The following PECR variants were observed in gnomAD, a reference collection of about 807,000 sequenced individuals.
The protein encoded by PECR is 2,4-dienoyl-CoA reductase-related protein.
In PECR, 30 loss-of-function variants were observed where a neutral mutation model predicts 35.3. That is an observed-to-expected ratio of 0.85 (90% CI 0.64 to 1.15). The LOEUF (loss-of-function observed/expected upper bound fraction) is 1.15, where lower values mean the gene tolerates loss of function less well. PECR is among the 50% of genes most tolerant of loss of function. The pLI is 0.00. For missense variants in PECR, 392 were observed against 370.8 expected (o/e 1.06, Z -0.47); for synonymous variants, 148 against 138.9 (o/e 1.07, Z -0.46).
At chr2:216,042,798 C>T (rs1448308939) in intron 7 of PECR, among the ~76,000 whole-genome samples, 1 of 151,690 alleles carries the variant, frequency 6.6e-6, no homozygotes, top group African/African-American at 2.4e-5. Context: ...GGTTTATCTC[C>T]CAAGCTGGAG....
At chr2:216,066,863 CTA>C (rs1424779605) in intron 1 of PECR, among the ~76,000 whole-genome samples, 2 of 152,146 alleles carry the variant, frequency 1.3e-5, no homozygotes, top group East Asian at 1.9e-4. Flanking sequence ...ATGCGTGTTC[CTA>C]TGTCTTAAAA....
Position 216,052,254 on chromosome 2 carries a change from C to G in PECR, c.507-709G>C, listed in dbSNP as rs1695130062. On this transcript the variant is annotated intron_variant, in intron 4 of 7. Transcript: ENST00000265322. ...GCTTAGAATTTCTAATGACAAGATCCTCAAAACCAAATATAGGATAATTTA... is the reference window on the plus strand; with the variant it reads ...GCTTAGAATTTCTAATGACAAGATCGTCAAAACCAAATATAGGATAATTTA... Among the ~76,000 whole-genome samples, 9 of 152,200 alleles carry G rather than the reference C, an allele frequency of 5.9e-5. 2 individuals are homozygous for G. In the South Asian group the frequency reaches 1.9e-3, roughly 32 times the overall value.
intron 7 of PECR, among the ~76,000 whole-genome samples, chr2:216,043,059 GTATATATGTATGTATA>G (rs1559207849): frequency 3.9e-5 from 3 of 75,990 alleles, no homozygotes; most frequent in African/African-American, 5.9e-5. Flanking sequence ...ATACACATAC[GTATATATGTATGTATA>G]TATATACACA....
At chr2:216,049,830 T>G (rs1695069297) in intron 5 of PECR, among the ~76,000 whole-genome samples, 1 of 152,218 alleles carries the variant, frequency 6.6e-6, no homozygotes, top group Admixed American at 6.5e-5. Flanking sequence ...AATAAAGCAT[T>G]TGAGTCCAAT....
chr2:216,065,416 T>C lies in PECR; in HGVS notation c.320A>G (p.Asn107Ser), dbSNP rs536985761. The C allele has an allele frequency of 9.3e-6, 15 of 1,607,406 alleles. No individual in the cohort carries two copies. The Admixed American group carries it at 1.2e-4, about 13-fold the overall frequency. Reference sequence around the variant, plus strand: ...AGGGGAAAGAAACTGGCCTCCTCCATTGTTCACCAAGAAATTGATCTTACC... The same window carrying C: ...AGGGGAAAGAAACTGGCCTCCTCCACTGTTCACCAAGAAATTGATCTTACC... ...TFGKINFLVN[N>S]GGGQFLSPAE... The change falls in exon 3 of 8, where the codon AAT becomes AGT. Residue 107 changes from asparagine (N) to serine (S), a missense_variant. Coordinates refer to ENST00000265322, the MANE Select transcript of PECR (RefSeq NM_018441.6).
chr2:216,035,391 G>A (rs1283166190), downstream of PECR, among the ~76,000 whole-genome samples: 2 of 152,090 alleles, frequency 1.3e-5, no homozygotes, highest in African/African-American at 4.8e-5. Context: ...TCCACCAGCA[G>A]AGCACCACAG....
chr2:216,070,014 C>T lies in PECR; in HGVS notation c.125-3496G>A, dbSNP rs577780449. On this transcript the variant is annotated intron_variant, in intron 1 of 7. Coordinates refer to ENST00000265322, the MANE Select transcript of PECR (RefSeq NM_018441.6). ...AAAGGATAAAATGTTGGAAGCTGAT[C>T]GAAACATAGAAAGGAGTACAATAAT... Among the ~76,000 whole-genome samples the T allele has an allele frequency of 7.3e-5, 11 of 150,862 alleles. No homozygotes were observed. The East Asian group carries it at 1.4e-3, about 19-fold the overall frequency.
At chr2:216,068,225 CAAAAA>C (rs34646067) in intron 1 of PECR, among the ~76,000 whole-genome samples, 14 of 65,022 alleles carry the variant, frequency 2.2e-4, no homozygotes, top group Non-Finnish European at 2.9e-5. Flanking sequence ...GACTCCATAT[CAAAAA>C]AAAAAAAAAA....
chr2:216,034,578 TC>T (rs1199674667), downstream of PECR, among the ~76,000 whole-genome samples: 11 of 152,240 alleles, frequency 7.2e-5, no homozygotes, highest in South Asian at 2.1e-4. Context: ...TCATTATAGC[TC>T]TATTCAGGAG....
chr2:216,036,138 A>G (rs528947108), downstream of PECR, among the ~76,000 whole-genome samples: 62 of 152,352 alleles, frequency 4.1e-4, no homozygotes, highest in African/African-American at 1.4e-3. Flanking sequence ...GAAGGAGACG[A>G]AAGAGTGAGC....
intron 1 of PECR, among the ~76,000 whole-genome samples, chr2:216,067,414 A>C (rs1278405790): frequency 6.6e-6 from 1 of 152,200 alleles, no homozygotes; most frequent in Non-Finnish European, 1.5e-5. Flanking sequence ...TAAAATATGC[A>C]GAAGCAGATG....
At chr2:216,073,114 T>C (rs1373822149) in intron 1 of PECR, among the ~76,000 whole-genome samples, 1 of 152,238 alleles carries the variant, frequency 6.6e-6, no homozygotes, top group Admixed American at 6.5e-5. Flanking sequence ...CTTGTAAGCC[T>C]TGCCTAACTT....
In PECR at chr2:216,030,883, T is replaced by C. The variant is rs540743203; in HGVS notation, c.*440+8308A>G. ...TTTAATTAATTCTGTGGGCAATTTA[T>C]TTCGGCATTCCAATTTGAACACACA... On this transcript the variant is annotated intron_variant and NMD_transcript_variant, in intron 7 of 7. Transcript: ENST00000442122. 1.8e-4 allele frequency among the ~76,000 whole-genome samples: 27 copies of C among 151,642 alleles called. No individual in the cohort carries two copies. The East Asian group carries it at 4.9e-3, about 27-fold the overall frequency.
chr2:216,047,333 C>G (rs1695015893), intron 6 of PECR, among the ~76,000 whole-genome samples: 1 of 151,804 alleles, frequency 6.6e-6, no homozygotes, highest in Admixed American at 6.6e-5. Flanking sequence ...AGACATTCAC[C>G]AAACTGATAA....
chr2:216,058,434 T>C (rs1447309948), intron 4 of PECR, among the ~76,000 whole-genome samples: 3 of 152,140 alleles, frequency 2.0e-5, no homozygotes, highest in Non-Finnish European at 2.9e-5. Flanking sequence ...TAGAAACTTT[T>C]GGAGAAAAAA....
chr2:216,041,258 T>C (rs965358452), intron 7 of PECR, among the ~76,000 whole-genome samples: 1 of 152,218 alleles, frequency 6.6e-6, no homozygotes, highest in African/African-American at 2.4e-5. Flanking sequence ...TTCTTTCCCT[T>C]CTAAAGGTAA....
At chr2:216,081,518 T>A (rs1328401466) in intron 1 of PECR, 100 bp downstream of exon 1, 2 of 1,468,732 alleles carry the variant, frequency 1.4e-6, no homozygotes, top group Non-Finnish European at 1.9e-6. Context: ...GCTCTGCAGC[T>A]CCACACTCCC....
In PECR at chr2:216,068,201, G is replaced by C. The variant is rs141293793; in HGVS notation, c.125-1683C>G. Among the ~76,000 whole-genome samples the C allele has an allele frequency of 6.4e-3, 782 of 122,552 alleles. 8 individuals carry two copies. The highest frequency in any genetic ancestry group is 0.023 in the African/African-American group (743 of 32,470). 80.4% of individuals were successfully genotyped at this position (122,552 alleles called of 152,430 possible). On this transcript the variant is annotated intron_variant, in intron 1 of 7. Transcript: ENST00000265322. Reference sequence around the variant, plus strand: ...AGATCGCCCCACTGCACTCCAGCCTGAGTGACAGAGCAAGACTCCATATCA... The same window carrying C: ...AGATCGCCCCACTGCACTCCAGCCTCAGTGACAGAGCAAGACTCCATATCA...
chr2:216,039,738 G>A (rs1225161098), intron 7 of PECR, among the ~76,000 whole-genome samples: 1 of 152,080 alleles, frequency 6.6e-6, no homozygotes, highest in African/African-American at 2.4e-5. Context: ...CTTTGTACCA[G>A]GCACTGCTAC....
Sources: allele counts gnomAD v4.1 joint callset (sites outside exome capture counted in the v4.1 genomes callset), GRCh38; gene constraint gnomAD v4.1.1; transcripts MANE v1.5; gene names NCBI Gene and HGNC (gene_info 2026-07-23, HGNC 2026-07-21).